Variants in EYS observed in about 807,000 individuals in gnomAD.
EYS encodes protein eyes shut homolog.
Under a neutral mutation model 282.1 loss-of-function variants are expected in EYS, and 250 were observed. That is an observed-to-expected ratio of 0.89 (90% CI 0.80 to 0.98). The LOEUF (loss-of-function observed/expected upper bound fraction) is 0.98, where lower values mean the gene tolerates loss of function less well. Among genes scored for constraint, EYS ranks in the 50% least tolerant of loss-of-function variants. The pLI, the probability that EYS is intolerant of heterozygous loss-of-function variation, is 0.00. For missense variants in EYS, 4,016 were observed against 3,709.0 expected, an observed-to-expected ratio of 1.08 and a Z score of -2.15; for synonymous variants, 1,355 against 1,282.9, an observed-to-expected ratio of 1.06 and a Z score of -1.20.
At chr6:64,600,258 T>TATTATTTAAGTGTTAGAA (rs6149621) in intron 24 of EYS, among the ~76,000 whole-genome samples, 18,500 of 151,460 alleles carry the variant, frequency 0.12, 1,179 homozygotes, top group East Asian at 0.16. Flanking sequence ...CAATTCTCTC[T>TATTATTTAAGTGTTAGAA]ATGGTTTCTG....
chr6:65,076,302 GT>G (rs1243465929), intron 12 of EYS, among the ~76,000 whole-genome samples: 3 of 151,874 alleles, frequency 2.0e-5, no homozygotes, highest in African/African-American at 7.3e-5. Flanking sequence ...TTATATTTCT[GT>G]TATCTTTTGA....
intron 26 of EYS, among the ~76,000 whole-genome samples, chr6:64,490,542 G>T (rs113177957): frequency 2.1e-4 from 32 of 150,826 alleles, no homozygotes; most frequent in African/African-American, 7.3e-4. Context: ...AGAAACCTCT[G>T]GTTTGTGGTA....
chr6:64,441,127 T>C (rs1431890659), intron 26 of EYS, among the ~76,000 whole-genome samples: 1 of 152,138 alleles, frequency 6.6e-6, no homozygotes, highest in Non-Finnish European at 1.5e-5. Context: ...AAAAACTTGT[T>C]TTAAGAAGGG....
chr6:64,469,430 T>G (rs745339781), intron 26 of EYS, among the ~76,000 whole-genome samples: 2 of 152,166 alleles, frequency 1.3e-5, no homozygotes, highest in Non-Finnish European at 2.9e-5. Flanking sequence ...TAGTACTTAC[T>G]CTTTATTCCA....
chr6:64,495,032 T>C (rs542565082), intron 26 of EYS, among the ~76,000 whole-genome samples: 4 of 151,824 alleles, frequency 2.6e-5, no homozygotes, highest in East Asian at 1.9e-4. Context: ...TACTGTGATA[T>C]GTAAGATTAT....
At chr6:65,142,391 A>T (rs1040310837) in intron 12 of EYS, among the ~76,000 whole-genome samples, 1 of 151,846 alleles carries the variant, frequency 6.6e-6, no homozygotes, top group Non-Finnish European at 1.5e-5. Flanking sequence ...GGTAAAATAC[A>T]TCAGTAGATC....
At position 65,238,869 on chromosome 6, in the gene EYS, A is replaced by G. The variant is rs556803037; in HGVS notation, c.2023+56994T>C. On this transcript the variant is annotated intron_variant, in intron 12 of 42. Coordinates refer to ENST00000503581, the MANE Select transcript of EYS (RefSeq NM_001142800.2). ...ACCCAAATTTTGGTAACATAACTGA[A>G]GATGAACAAATGCTACAATGACAAG... Among the ~76,000 whole-genome samples, 16 of 68,806 alleles carry G rather than the reference A, an allele frequency of 2.3e-4. 1 individual carries two copies. The South Asian group carries it at 4.9e-3, about 21-fold the overall frequency. The allele number at this position is 68,806 out of a possible 152,430, so 45.1% of individuals were successfully genotyped here. A position where few individuals can be genotyped will look rare whatever the true frequency, so the allele number is the denominator to read the frequency against.
intron 13 of EYS, among the ~76,000 whole-genome samples, chr6:65,030,275 T>C (rs1336350991): frequency 6.6e-6 from 1 of 152,106 alleles, no homozygotes; most frequent in Admixed American, 6.6e-5. Flanking sequence ...CAGTGTCAGA[T>C]GCCCAACCAG....
At chr6:64,530,616 G>A (rs1049705365) in intron 26 of EYS, among the ~76,000 whole-genome samples, 5 of 151,956 alleles carry the variant, frequency 3.3e-5, no homozygotes, top group African/African-American at 9.7e-5. Context: ...AGCATCACTT[G>A]ATATAAAAAT....
chr6:65,363,036 T>TA (rs910678955), intron 8 of EYS, among the ~76,000 whole-genome samples: 1 of 152,002 alleles, frequency 6.6e-6, no homozygotes, highest in Non-Finnish European at 1.5e-5. Flanking sequence ...GCTGCTGAGG[T>TA]AAAAATGCCT....
intron 2 of EYS, among the ~76,000 whole-genome samples, chr6:65,549,448 A>G (rs1396464170): frequency 1.3e-5 from 2 of 152,110 alleles, no homozygotes; most frequent in African/African-American, 4.8e-5. Flanking sequence ...GTTTTGGTAA[A>G]TAAAATTTTA....
At chr6:64,595,269 T>G (rs1261939838) in intron 24 of EYS, among the ~76,000 whole-genome samples, 3 of 152,172 alleles carry the variant, frequency 2.0e-5, no homozygotes, top group Admixed American at 6.5e-5. Flanking sequence ...CTCAACAAAT[T>G]TGGCATTAAA....
At chr6:64,037,205 C>T (rs952898461) in intron 33 of EYS, among the ~76,000 whole-genome samples, 1 of 152,004 alleles carries the variant, frequency 6.6e-6, no homozygotes, top group African/African-American at 2.4e-5. Flanking sequence ...AAGATTGTTC[C>T]AGAACATATT....
chr6:63,722,594 G>A (rs1380987850), intron 42 of EYS, among the ~76,000 whole-genome samples: 2 of 152,228 alleles, frequency 1.3e-5, no homozygotes, highest in Non-Finnish European at 2.9e-5. Flanking sequence ...AAGATTGCTT[G>A]AAGAGGATAG....
chr6:64,884,608 T>C, intron 19 of EYS, among the ~76,000 whole-genome samples: 1 of 151,306 alleles, frequency 6.6e-6, no homozygotes, highest in African/African-American at 2.4e-5. Context: ...GAAAAATAAA[T>C]GCTATTAAGT....
intron 12 of EYS, among the ~76,000 whole-genome samples, chr6:65,059,202 C>T (rs1773500748): frequency 6.6e-6 from 1 of 151,622 alleles, no homozygotes; most frequent in Non-Finnish European, 1.5e-5. Context: ...ATTGAGAACC[C>T]TACTGTCAAA....
At chr6:65,658,101 T>C (rs536813084) in intron 1 of EYS, among the ~76,000 whole-genome samples, 18 of 151,942 alleles carry the variant, frequency 1.2e-4, no homozygotes, top group African/African-American at 4.3e-4. Context: ...ATAAGCTTTA[T>C]ATGTGCTGGT....
At chr6:64,616,071 G>A (rs1163201115) in intron 24 of EYS, among the ~76,000 whole-genome samples, 1 of 151,944 alleles carries the variant, frequency 6.6e-6, no homozygotes, top group East Asian at 1.9e-4. Context: ...ATAGATATTT[G>A]GTAGTAAATT....
chr6:64,410,873 G>A (rs938076096), intron 28 of EYS, among the ~76,000 whole-genome samples: 1 of 152,042 alleles, frequency 6.6e-6, no homozygotes, highest in African/African-American at 2.4e-5. Flanking sequence ...TCTTTCCTCA[G>A]ACAAAATCTG....
Sources: gnomAD v4.1 joint callset for allele counts (sites outside exome capture counted in the v4.1 genomes callset) on GRCh38, gnomAD v4.1.1 for gene constraint, MANE v1.5 for transcripts, NCBI Gene and HGNC (gene_info 2026-07-23, HGNC 2026-07-21) for gene names.